MICU1: variants seen among roughly 807,000 people sequenced by gnomAD.
The protein encoded by MICU1 is calcium uptake protein 1, mitochondrial.
A neutral mutation model predicts 56.8 loss-of-function variants in MICU1; 45 were observed. That is an observed-to-expected ratio of 0.79 (90% CI 0.62 to 1.02). MICU1 has a LOEUF of 1.02. Among genes scored for constraint, MICU1 ranks in the 50% least tolerant of loss-of-function variants. The pLI, the probability that MICU1 is intolerant of heterozygous loss-of-function variation, is 0.00. For synonymous variants in MICU1, 186 were observed against 195.1 expected (o/e 0.95, Z 0.39); for missense variants, 504 against 587.1 (o/e 0.86, Z 1.46).
intron 1 of MICU1, among the ~76,000 whole-genome samples, chr10:72,610,259 C>CAA (rs386371809): frequency 0.58 from 68,570 of 118,336 alleles, 19,761 homozygotes; most frequent in Non-Finnish European, 0.67. Flanking sequence ...ACATACTCTC[C>CAA]AAAAAAAAAA....
At chr10:72,401,726 A>C (rs146486326) in intron 10 of MICU1, among the ~76,000 whole-genome samples, 1 of 152,328 alleles carries the variant, frequency 6.6e-6, no homozygotes, top group East Asian at 1.9e-4. Flanking sequence ...GTATATTGTA[A>C]GGAACACTTA....
chr10:72,512,200 C>G (rs1046882726), intron 5 of MICU1, among the ~76,000 whole-genome samples: 1 of 141,674 alleles, frequency 7.1e-6, no homozygotes, highest in South Asian at 2.3e-4. Flanking sequence ...CAATCTCTGC[C>G]TCCCAGGTTC....
At chr10:72,541,536 T>C (rs1839773166) in intron 4 of MICU1, among the ~76,000 whole-genome samples, 1 of 152,014 alleles carries the variant, frequency 6.6e-6, no homozygotes, top group Admixed American at 6.6e-5. Flanking sequence ...GGCCCAAACA[T>C]AGAGGCAGCC....
intron 1 of MICU1, among the ~76,000 whole-genome samples, chr10:72,569,237 A>ATATATTTTTTTTTTTTTTTTTT: frequency 5.8e-5 from 2 of 34,394 alleles, no homozygotes; most frequent in African/African-American, 2.3e-4. Flanking sequence ...ATATATATAT[A>ATATATTTTTTTTTTTTTTTTTT]TTTTTTTTTT....
intron 11 of MICU1, among the ~76,000 whole-genome samples, chr10:72,370,569 G>A (rs1336091406): frequency 6.6e-6 from 1 of 152,124 alleles, no homozygotes; most frequent in African/African-American, 2.4e-5. Context: ...AAGTACAAAG[G>A]TAAAACTGTG....
At chr10:72,584,812 G>T (rs1236354677) in intron 1 of MICU1, among the ~76,000 whole-genome samples, 2 of 152,020 alleles carry the variant, frequency 1.3e-5, no homozygotes, top group African/African-American at 4.8e-5. Flanking sequence ...AAAGTGCTGG[G>T]ATTATACGTG....
intron 8 of MICU1, among the ~76,000 whole-genome samples, chr10:72,451,641 C>T (rs1034719703): frequency 2.0e-5 from 3 of 151,854 alleles, no homozygotes; most frequent in African/African-American, 7.3e-5. Context: ...CTCTTGGGCT[C>T]AAGGGATCCT....
chr10:72,545,326 C>A (rs1839869997), intron 4 of MICU1, among the ~76,000 whole-genome samples: 1 of 152,132 alleles, frequency 6.6e-6, no homozygotes, highest in African/African-American at 2.4e-5. Flanking sequence ...ATGTGAGGAC[C>A]ATAACCAGTG....
chr10:72,466,209 G>A (rs536062835), intron 8 of MICU1, among the ~76,000 whole-genome samples: 3 of 152,176 alleles, frequency 2.0e-5, no homozygotes, highest in African/African-American at 4.8e-5. Flanking sequence ...TGACTAAGGG[G>A]TGGGCAGTGC....
intron 8 of MICU1, among the ~76,000 whole-genome samples, chr10:72,429,147 T>C (rs190301551): frequency 1.1e-3 from 169 of 152,234 alleles, no homozygotes; most frequent in Non-Finnish European, 1.8e-3. Context: ...GGGCTGGGTG[T>C]GGTGGGTCAC....
rs1867333020 is a variant in MICU1, at chr10:72,508,445, TAAGACAAA to T, written c.538-184_538-177del. 3 of 397,778 alleles carry T rather than the reference TAAGACAAA, an allele frequency of 7.5e-6. No homozygotes were observed. In the East Asian group the frequency reaches 1.0e-4, roughly 14 times the overall value. The allele number at this position is 397,778 out of a possible 1,614,324, so 24.6% of individuals were successfully genotyped here. On this transcript the variant is annotated intron_variant, in intron 5 of 11. Coordinates refer to ENST00000361114, the MANE Select transcript of MICU1 (RefSeq NM_001195518.2). ...ACAGTTTTCAAGATGATGAAAATTT[TAAGACAAA>T]AATTATGTTTTCATTTCAACACTAG...
intron 2 of MICU1, among the ~76,000 whole-genome samples, chr10:72,563,757 G>A (rs1589345144): frequency 6.6e-6 from 1 of 152,124 alleles, no homozygotes; most frequent in South Asian, 2.1e-4. Flanking sequence ...AACCAGAGAC[G>A]ATGAGCCCTT....
chr10:72,623,581 G>A (rs368053924), intron 1 of MICU1, among the ~76,000 whole-genome samples: 12 of 151,938 alleles, frequency 7.9e-5, no homozygotes, highest in South Asian at 2.1e-4. Context: ...GCTCAGGCCT[G>A]TAATCCCAGC....
chr10:72,510,651 A>AT (rs34420198), intron 5 of MICU1, among the ~76,000 whole-genome samples: 70,211 of 150,050 alleles, frequency 0.47, 19,983 homozygotes, highest in Non-Finnish European at 0.67. Context: ...GTCCTTTTTT[A>AT]TTTTTTTTTT....
At position 72,533,869 on chromosome 10, in the gene MICU1, T is replaced by C. The variant is rs930449815; in HGVS notation, c.494-80A>G. The C allele has an allele frequency of 4.2e-6, 4 of 961,022 alleles. No homozygotes were observed. In the Admixed American group the frequency reaches 1.1e-4, roughly 26 times the overall value. 59.5% of individuals were successfully genotyped at this position (961,022 alleles called of 1,614,324 possible). On this transcript the variant is annotated intron_variant, in intron 4 of 11. Coordinates refer to ENST00000361114, the MANE Select transcript of MICU1 (RefSeq NM_001195518.2). ...TATAAAATGACAGCTCTTGGTTTTG[T>C]TTCCAGTCATTCAGTTAAAAGTACA...
chr10:72,493,391 TTGA>T (rs1297004295), intron 6 of MICU1, among the ~76,000 whole-genome samples: 1 of 152,262 alleles, frequency 6.6e-6, no homozygotes, highest in Non-Finnish European at 1.5e-5. Context: ...TAGCCATTGT[TTGA>T]TATTTGAGTT....
intron 10 of MICU1, among the ~76,000 whole-genome samples, chr10:72,377,214 G>T (rs111913374): frequency 1.3e-5 from 2 of 152,024 alleles, no homozygotes; most frequent in Non-Finnish European, 2.9e-5. Context: ...CTGCCTTCCG[G>T]GTTCAAACAA....
chr10:72,430,103 TACTTA>T (rs144321966), intron 8 of MICU1, among the ~76,000 whole-genome samples: 5,588 of 152,310 alleles, frequency 0.037, 348 homozygotes, highest in African/African-American at 0.13. Flanking sequence ...ATACTAACCT[TACTTA>T]ACTTTTCTTA....
In MICU1 at chr10:72,421,246, C is replaced by G. The variant is rs150066224; in HGVS notation, c.1071+1988G>C. ...GATTCAGTCCTATCATCTTTTCTTTCTTTCTTTTTTTCTTTATCTTTTTTT... is the reference window on the plus strand; with the variant it reads ...GATTCAGTCCTATCATCTTTTCTTTGTTTCTTTTTTTCTTTATCTTTTTTT... On this transcript the variant is annotated intron_variant, in intron 9 of 11. Coordinates refer to ENST00000361114, the MANE Select transcript of MICU1 (RefSeq NM_001195518.2). Among the ~76,000 whole-genome samples the G allele has an allele frequency of 6.8e-3, 1,025 of 151,532 alleles. 9 individuals are homozygous for G. Among genetic ancestry groups the G allele is most frequent in the Non-Finnish European group, 9.5e-3 (644 of 67,862 alleles).
Sources: allele counts gnomAD v4.1 joint callset (sites outside exome capture counted in the v4.1 genomes callset), GRCh38; gene constraint gnomAD v4.1.1; transcripts MANE v1.5; gene names NCBI Gene and HGNC (gene_info 2026-07-23, HGNC 2026-07-21).